ASIC2: variants seen among roughly 807,000 people sequenced by gnomAD.
ASIC2 encodes acid sensing ion channel subunit 2.
Under a neutral mutation model 57.3 loss-of-function variants are expected in ASIC2, and 25 were observed. That is an observed-to-expected ratio of 0.44 (90% CI 0.32 to 0.61). ASIC2 has a LOEUF of 0.61. ASIC2 is among the 20% of genes least tolerant of loss of function. ASIC2 has a pLI of 0.06. For synonymous variants in ASIC2, 319 were observed against 307.5 expected (o/e 1.04, Z -0.39); for missense variants, 641 against 738.1 (o/e 0.87, Z 1.52).
intron 1 of ASIC2, among the ~76,000 whole-genome samples, chr17:33,769,480 C>A (rs2142119071): frequency 6.6e-6 from 1 of 152,338 alleles, no homozygotes; most frequent in East Asian, 1.9e-4. Context: ...ATTCCTGCAT[C>A]AAAGTTTACT....
At chr17:33,633,506 C>T (rs768103014) in intron 1 of ASIC2, among the ~76,000 whole-genome samples, 2 of 152,174 alleles carry the variant, frequency 1.3e-5, no homozygotes, top group Admixed American at 6.5e-5. Flanking sequence ...TCTGCTGGGT[C>T]GAGGGGTTGC....
At position 33,292,260 on chromosome 17, in the gene ASIC2, T is replaced by G; in HGVS notation, c.-145A>C. ...AGCGTGCGCCCGAAAGGAGCTCCGG[T>G]GGCGCGGCATGCCCGCCCGGCGCCG... On this transcript the variant is annotated 5_prime_UTR_variant, in exon 1 of 10. Transcript: ENST00000225823. The G allele has an allele frequency of 1.0e-6, 1 of 987,530 alleles. No homozygotes were observed. Among genetic ancestry groups the G allele is most frequent in the Non-Finnish European group, 1.2e-6 (1 of 833,740 alleles). 61.2% of individuals were successfully genotyped at this position (987,530 alleles called of 1,614,324 possible).
At chr17:33,623,669 C>T (rs1905884204) in intron 1 of ASIC2, 1 of 152,186 alleles carries the variant, frequency 6.6e-6, no homozygotes, top group Non-Finnish European at 1.5e-5. Flanking sequence ...TTTTCCATAA[C>T]AGAACACTAG....
At chr17:33,489,152 G>C (rs1913671591) in intron 1 of ASIC2, among the ~76,000 whole-genome samples, 1 of 151,812 alleles carries the variant, frequency 6.6e-6, no homozygotes, top group African/African-American at 2.4e-5. Context: ...CCTTGGACAT[G>C]GGCATCTTGG....
intron 1 of ASIC2, among the ~76,000 whole-genome samples, chr17:33,894,616 A>G (rs1915046892): frequency 6.6e-6 from 1 of 152,150 alleles, no homozygotes; most frequent in Non-Finnish European, 1.5e-5. Context: ...GCACTTGAGC[A>G]ATCTTTGATG....
intron 1 of ASIC2, among the ~76,000 whole-genome samples, chr17:33,787,897 C>T (rs565228918): frequency 6.6e-6 from 1 of 152,216 alleles, no homozygotes; most frequent in Admixed American, 6.5e-5. Flanking sequence ...TGCTATTCTC[C>T]TGATAGTGAG....
intron 1 of ASIC2, among the ~76,000 whole-genome samples, chr17:34,099,163 A>G: frequency 1.3e-4 from 1 of 7,422 alleles, no homozygotes; most frequent in African/African-American, 2.0e-4. Context: ...AGAGAGAGAG[A>G]GAAAGAAAGA....
At chr17:34,019,865 A>G (rs1205259455) in intron 1 of ASIC2, among the ~76,000 whole-genome samples, 3 of 152,188 alleles carry the variant, frequency 2.0e-5, no homozygotes, top group African/African-American at 7.2e-5. Context: ...ATTCAGCTCC[A>G]AGTTTTCTGA....
At chr17:33,911,341 C>G (rs1202064673) in intron 1 of ASIC2, among the ~76,000 whole-genome samples, 2 of 152,176 alleles carry the variant, frequency 1.3e-5, no homozygotes, top group African/African-American at 4.8e-5. Flanking sequence ...TGTCCAAGCT[C>G]AGGATGGGCA....
rs892849278 is a variant in ASIC2, at chr17:33,851,399, G to C, written c.555+304579C>G. Among the ~76,000 whole-genome samples the C allele has an allele frequency of 2.0e-5, 3 of 152,166 alleles. No individual in the cohort carries two copies. In the East Asian group the frequency reaches 5.8e-4, roughly 29 times the overall value. ...GGGGTAGTCAGACTTACTGACTGAC[G>C]TAAGTGCAGAAATGGCAGGGGATGT... On this transcript the variant is annotated intron_variant, in intron 1 of 9. Coordinates refer to the ASIC2 transcript ENST00000359872.
At chr17:33,393,698 T>A (rs1909979811) in intron 1 of ASIC2, among the ~76,000 whole-genome samples, 1 of 152,326 alleles carries the variant, frequency 6.6e-6, no homozygotes, top group Non-Finnish European at 1.5e-5. Context: ...GTTGGTGATC[T>A]AAGTTATGGC....
chr17:33,807,275 G>A (rs6505380), intron 1 of ASIC2, among the ~76,000 whole-genome samples: 97,251 of 152,092 alleles, frequency 0.64, 32,055 homozygotes, highest in Non-Finnish European at 0.71. Flanking sequence ...CAGGTGATAG[G>A]ATTTAGAAGT....
rs1020885537 is a variant in ASIC2 at position 33,902,118 on chromosome 17, G to C, written c.555+253860C>G. ...TAAATTAGAATCTGAGTTCTCAGGGGAAAAGGCAGGAGAGGTGAGATCCTG... is the reference window on the plus strand; with the variant it reads ...TAAATTAGAATCTGAGTTCTCAGGGCAAAAGGCAGGAGAGGTGAGATCCTG... On this transcript the variant is annotated intron_variant, in intron 1 of 9. Coordinates refer to the ASIC2 transcript ENST00000359872. 1.2e-4 allele frequency among the ~76,000 whole-genome samples: 18 copies of C among 152,276 alleles called. 1 individual carries two copies. The highest frequency in any genetic ancestry group is 1.2e-3 in the Admixed American group (18 of 15,298).
At chr17:33,165,741 T>C (rs1280900053) in intron 1 of ASIC2, among the ~76,000 whole-genome samples, 5 of 152,160 alleles carry the variant, frequency 3.3e-5, no homozygotes, top group Non-Finnish European at 7.4e-5. Flanking sequence ...TGCTAACATC[T>C]TCAGCTACCT....
At chr17:33,516,828 T>C (rs1192428825) in intron 1 of ASIC2, among the ~76,000 whole-genome samples, 1 of 152,214 alleles carries the variant, frequency 6.6e-6, no homozygotes, top group Non-Finnish European at 1.5e-5. Context: ...GGCTAGGTGT[T>C]GTGCTCTTAT....
chr17:33,398,572 T>TGGGG (rs1306527622), intron 1 of ASIC2, among the ~76,000 whole-genome samples: 7 of 152,046 alleles, frequency 4.6e-5, no homozygotes, highest in Non-Finnish European at 8.8e-5. Flanking sequence ...GCAGTGATGA[T>TGGGG]AGTGATGGTG....
chr17:33,750,482 A>C (rs573961761), intron 1 of ASIC2, among the ~76,000 whole-genome samples: 1 of 152,118 alleles, frequency 6.6e-6, no homozygotes, highest in Non-Finnish European at 1.5e-5. Flanking sequence ...GAACCTTTAC[A>C]TTCCAGAAAT....
chr17:33,863,345 G>C (rs1266225778), intron 1 of ASIC2, among the ~76,000 whole-genome samples: 1 of 152,232 alleles, frequency 6.6e-6, no homozygotes, highest in Non-Finnish European at 1.5e-5. Context: ...GAATCCATAT[G>C]ATGCTTTTAG....
At chr17:33,714,565 T>A (rs1909150658) in intron 1 of ASIC2, among the ~76,000 whole-genome samples, 2 of 152,162 alleles carry the variant, frequency 1.3e-5, no homozygotes, top group Admixed American at 1.3e-4. Context: ...CTATATTATG[T>A]TTATGGACAT....
Sources: allele counts gnomAD v4.1 joint callset (sites outside exome capture counted in the v4.1 genomes callset), GRCh38; gene constraint gnomAD v4.1.1; transcripts MANE v1.5; gene names NCBI Gene and HGNC (gene_info 2026-07-23, HGNC 2026-07-21).